The following SH3PXD2B variants were observed in gnomAD, a reference collection of about 807,000 sequenced individuals.
SH3PXD2B encodes the protein SH3 and PX domain-containing protein 2B.
A neutral mutation model predicts 73.1 loss-of-function variants in SH3PXD2B; 37 were observed. That is an observed-to-expected ratio of 0.51 (90% CI 0.39 to 0.67). SH3PXD2B has a LOEUF of 0.67. SH3PXD2B is among the 30% of genes least tolerant of loss of function. The probability of loss-of-function intolerance (pLI) is 0.00; values close to 1 mark genes in which losing one functional copy is unlikely to be tolerated. For missense variants in SH3PXD2B, 1,053 were observed against 1,197.8 expected (o/e 0.88, Z 1.78); for synonymous variants, 457 against 480.5 (o/e 0.95, Z 0.64).
At chr5:172,390,363 T>C (rs1758153727) in intron 4 of SH3PXD2B, among the ~76,000 whole-genome samples, 1 of 152,240 alleles carries the variant, frequency 6.6e-6, no homozygotes, top group African/African-American at 2.4e-5. Flanking sequence ...ATCCAGCTTG[T>C]AGCATTTACC....
chr5:172,339,787 G>A lies in SH3PXD2B; in HGVS notation c.1318C>T (p.Leu440=), dbSNP rs756412011. 31 of 1,613,316 alleles carry A rather than the reference G, an allele frequency of 1.9e-5. No homozygotes were observed. The highest frequency in any genetic ancestry group is 2.5e-5 in the Non-Finnish European group (29 of 1,179,248). The change falls in exon 13 of 13, where the codon CTG becomes TTG. Residue 440 remains leucine (L), a synonymous_variant. Transcript: ENST00000311601. The surrounding 1 kb of genome is among the most constrained non-coding windows in gnomAD (Gnocchi z 6.1). ...CGGAGCTGGGTCACCTCGTGGGGCA[G>A]GGGAGCCAGAAAGTTGGGTCTCGAC... ...NASRPNFLAP[L]PHEVTQLRLG...
intron 1 of SH3PXD2B, among the ~76,000 whole-genome samples, chr5:172,441,522 A>T (rs569032547): frequency 6.6e-6 from 1 of 152,360 alleles, no homozygotes; most frequent in Non-Finnish European, 1.5e-5. Context: ...ATTCTAGGCC[A>T]GGCCCTGAAG....
intron 2 of SH3PXD2B, among the ~76,000 whole-genome samples, chr5:172,420,244 A>G (rs1581325714): frequency 6.6e-6 from 1 of 152,264 alleles, no homozygotes; most frequent in Admixed American, 6.5e-5. Context: ...AAGCAAAAAT[A>G]TAATTTGTTT....
At position 172,337,918 on chromosome 5, in the gene SH3PXD2B, T is replaced by G. The variant is rs965992491; in HGVS notation, c.*451A>C. 1.1e-4 allele frequency: 117 copies of G among 1,034,862 alleles called. No homozygotes were observed. The highest frequency in any genetic ancestry group is 1.3e-4 in the Non-Finnish European group (115 of 859,966). 64.1% of individuals were successfully genotyped at this position (1,034,862 alleles called of 1,614,324 possible). On this transcript the variant is annotated 3_prime_UTR_variant, in exon 13 of 13. Coordinates refer to ENST00000311601, the MANE Select transcript of SH3PXD2B (RefSeq NM_001017995.3). ...GGAGGAGTGAATAAAGCCACTGGGC[T>G]TTTAGAAACATGAAGAAGTTGGAGC...
At chr5:172,342,947 C>T (rs1243727131) in intron 12 of SH3PXD2B, among the ~76,000 whole-genome samples, 1 of 152,216 alleles carries the variant, frequency 6.6e-6, no homozygotes, top group Admixed American at 6.5e-5. Flanking sequence ...GGCTCTGCCA[C>T]TTACTGCCTG....
intron 3 of SH3PXD2B, among the ~76,000 whole-genome samples, chr5:172,405,509 T>G (rs113928454): frequency 1.5e-3 from 226 of 152,250 alleles, no homozygotes; most frequent in African/African-American, 5.3e-3. Flanking sequence ...TGATGAGGGA[T>G]GTGGGAAGCT....
intron 3 of SH3PXD2B, among the ~76,000 whole-genome samples, chr5:172,397,940 C>A (rs567739426): frequency 6.6e-6 from 1 of 152,194 alleles, no homozygotes; most frequent in South Asian, 2.1e-4. Context: ...TTTTTAGTGG[C>A]GGCCGCTGCC....
rs746135651 is a variant in SH3PXD2B, at chr5:172,347,272, G to A, written c.1062+11C>T. 4.8e-5 allele frequency: 77 copies of A among 1,613,998 alleles called. No individual in the cohort carries two copies. The highest frequency in any genetic ancestry group is 3.5e-4 in the South Asian group (32 of 91,084). On this transcript the variant is annotated intron_variant, in intron 11 of 12. Transcript: ENST00000311601. ...TCAGTGGCCACTCCCCAGTAGCGAG[G>A]ATCCACTTACAATGGTCATGTCCCG...
chr5:172,401,618 C>G (rs1053871571), intron 3 of SH3PXD2B, among the ~76,000 whole-genome samples: 10 of 152,212 alleles, frequency 6.6e-5, no homozygotes, highest in Non-Finnish European at 1.0e-4. Flanking sequence ...TGTAGGAAGT[C>G]AGGGACCCCG....
In SH3PXD2B at chr5:172,373,761, G is replaced by C. The variant is rs371785049; in HGVS notation, c.427+29C>G. 7 of 1,608,532 alleles carry C rather than the reference G, an allele frequency of 4.4e-6. No individual in the cohort carries two copies. In the African/African-American group the frequency reaches 5.3e-5, roughly 12 times the overall value. On this transcript the variant is annotated intron_variant, in intron 6 of 12. Transcript: ENST00000311601. ...GGCTGGAGTTTGCCGAAAACTGAAC[G>C]AAGAGAAGAAAATAGAAAATATTCT... is the stretch of plus-strand genomic sequence containing the variant.
chr5:172,437,390 C>A (rs1159642466), intron 1 of SH3PXD2B, among the ~76,000 whole-genome samples: 1 of 152,192 alleles, frequency 6.6e-6, no homozygotes, highest in Admixed American at 6.5e-5. Flanking sequence ...TTTCCCAACA[C>A]CCCAGGGCAG....
intron 10 of SH3PXD2B, among the ~76,000 whole-genome samples, chr5:172,349,764 A>G (rs1458290133): frequency 6.6e-6 from 1 of 152,342 alleles, no homozygotes; most frequent in East Asian, 1.9e-4. Context: ...TCTGGCATGT[A>G]GCAGGTGCTT....
chr5:172,346,370 T>G (rs764144746), intron 11 of SH3PXD2B, 109 bp from the exon 12 acceptor site: 23 of 1,548,258 alleles, frequency 1.5e-5, no homozygotes, highest in Non-Finnish European at 1.9e-5. Context: ...AAGGGGGTGC[T>G]GGGGACCTAG....
At chr5:172,398,452 C>T (rs1274740484) in intron 3 of SH3PXD2B, among the ~76,000 whole-genome samples, 1 of 152,128 alleles carries the variant, frequency 6.6e-6, no homozygotes, top group Non-Finnish European at 1.5e-5. Context: ...AGTTTGAGCC[C>T]AATTTCCCCA....
intron 7 of SH3PXD2B, among the ~76,000 whole-genome samples, chr5:172,361,147 A>G (rs982662762): frequency 1.3e-5 from 2 of 152,076 alleles, no homozygotes; most frequent in African/African-American, 4.8e-5. Flanking sequence ...GTACAAGTAT[A>G]TATGTATGAA....
In SH3PXD2B at chr5:172,336,864, C is replaced by T. The variant is rs1366038383; in HGVS notation, c.*1505G>A. The T allele has an allele frequency of 1.0e-6, 1 of 985,340 alleles. No individual in the cohort carries two copies. Among genetic ancestry groups the T allele is most frequent in the African/African-American group, 1.7e-5 (1 of 57,236 alleles). The allele number at this position is 985,340 out of a possible 1,614,324, so 61.0% of individuals were successfully genotyped here. On this transcript the variant is annotated 3_prime_UTR_variant, in exon 13 of 13. Transcript: ENST00000311601. ...CAGACCTCAGTTTGACAGATGACCA[C>T]ATCTGCCCTGGGTTTCTTCAAGGGA... is the stretch of plus-strand genomic sequence containing the variant.
At chr5:172,368,397 T>C (rs767614385) in intron 6 of SH3PXD2B, among the ~76,000 whole-genome samples, 7 of 141,432 alleles carry the variant, frequency 4.9e-5, no homozygotes, top group Non-Finnish European at 1.1e-4. Flanking sequence ...ATATTCATAC[T>C]GCCTAACGGC....
intron 3 of SH3PXD2B, among the ~76,000 whole-genome samples, chr5:172,399,229 G>C (rs1159250180): frequency 6.6e-6 from 1 of 152,104 alleles, no homozygotes; most frequent in Non-Finnish European, 1.5e-5. Flanking sequence ...TGACATCTTG[G>C]GTGGTCCCTC....
chr5:172,356,821 A>G (rs908290120), intron 8 of SH3PXD2B: 1 of 152,730 alleles, frequency 6.5e-6, no homozygotes, highest in Non-Finnish European at 1.5e-5. Context: ...AGAGGTGAGA[A>G]GAAAGCACCA....
Sources: gnomAD v4.1 joint callset for allele counts (sites outside exome capture counted in the v4.1 genomes callset) on GRCh38, gnomAD v4.1.1 for gene constraint, Gnocchi (gnomAD v3.1) non-coding constraint, MANE v1.5 for transcripts, NCBI Gene and HGNC (gene_info 2026-07-23, HGNC 2026-07-21) for gene names.